Variants in GNA14 observed in about 807,000 individuals in gnomAD.
The protein encoded by GNA14 is G protein subunit alpha 14.
GNA14 carries 50 observed loss-of-function variants against 42.0 expected under a neutral mutation model. That is an observed-to-expected ratio of 1.19 (90% CI 0.95 to 1.51). GNA14 has a LOEUF of 1.51. Among genes scored for constraint, GNA14 ranks in the 40% most tolerant of loss-of-function variants. The pLI is 0.00. For synonymous variants in GNA14, 173 were observed against 163.1 expected (o/e 1.06, Z -0.46); for missense variants, 473 against 446.2 (o/e 1.06, Z -0.54).
rs760771316 is a variant in GNA14, at chr9:77,434,385, C to T, written c.447G>A (p.Leu149=). The change falls in exon 3 of 7, where the codon CTG becomes CTA. Residue 149 remains leucine, a synonymous_variant. Transcript: ENST00000341700. ...ECYDRRREYQ[L]SDSAKYYLTD... ...GTACTCACTATTTGGCAGAGTCCGACAGCTGGTACTCCCTCCTCCTGTCGT... is the reference window on the plus strand; with the variant it reads ...GTACTCACTATTTGGCAGAGTCCGATAGCTGGTACTCCCTCCTCCTGTCGT... 5 of 1,613,938 alleles carry T rather than the reference C, an allele frequency of 3.1e-6. No homozygotes were observed. Among genetic ancestry groups the T allele is most frequent in the Non-Finnish European group, 4.2e-6 (5 of 1,179,938 alleles).
At chr9:77,520,661 G>T (rs964538132) in intron 2 of GNA14, among the ~76,000 whole-genome samples, 5 of 152,146 alleles carry the variant, frequency 3.3e-5, no homozygotes, top group Non-Finnish European at 7.3e-5. Context: ...CGCCTCCGGG[G>T]TTCAAGAGAT....
chr9:77,519,122 A>T (rs992613438), intron 2 of GNA14, among the ~76,000 whole-genome samples: 2 of 152,204 alleles, frequency 1.3e-5, no homozygotes, highest in African/African-American at 4.8e-5. Flanking sequence ...GATAAAACAA[A>T]AACAGAGGCC....
chr9:77,582,688 G>A (rs924577934), intron 1 of GNA14, among the ~76,000 whole-genome samples: 3 of 152,186 alleles, frequency 2.0e-5, no homozygotes, highest in African/African-American at 7.2e-5. Context: ...CCAGTCATAT[G>A]ACTTGACACC....
chr9:77,434,576 T>A lies in GNA14; in HGVS notation c.310-54A>T, dbSNP rs528857965. 1,992 of 1,498,186 alleles carry A rather than the reference T, an allele frequency of 1.3e-3. 2 individuals are homozygous for A. Among genetic ancestry groups the A allele is most frequent in the Non-Finnish European group, 1.7e-3 (1,864 of 1,085,974 alleles). 92.8% of individuals were successfully genotyped at this position (1,498,186 alleles called of 1,614,324 possible). On this transcript the variant is annotated intron_variant, in intron 2 of 6. Transcript: ENST00000341700. ...AGGCAAAGGAAAGGAAGCCAACCCA[T>A]TGGCAATGTCGGTACAAGTCTTGCC...
chr9:77,535,095 A>G (rs1238649712), intron 1 of GNA14, among the ~76,000 whole-genome samples: 1 of 152,242 alleles, frequency 6.6e-6, no homozygotes, highest in Non-Finnish European at 1.5e-5. Flanking sequence ...GTTTCTCAGC[A>G]GCAAAGAGGC....
intron 1 of GNA14, among the ~76,000 whole-genome samples, chr9:77,594,234 G>A (rs1823431277): frequency 6.6e-6 from 1 of 152,094 alleles, no homozygotes; most frequent in African/African-American, 2.4e-5. Context: ...CAGAGGCTGG[G>A]GCAGGCCCAT....
chr9:77,615,988 C>T (rs937542107), intron 1 of GNA14, among the ~76,000 whole-genome samples: 2 of 151,966 alleles, frequency 1.3e-5, no homozygotes, highest in East Asian at 1.9e-4. Flanking sequence ...TTGGTCTTCA[C>T]CCACAGTTCA....
intron 2 of GNA14, among the ~76,000 whole-genome samples, chr9:77,497,865 G>A (rs1009297544): frequency 2.6e-5 from 4 of 151,454 alleles, no homozygotes; most frequent in Non-Finnish European, 4.4e-5. Flanking sequence ...TTGGCAACAC[G>A]AATTAGCATA....
chr9:77,613,086 C>T (rs550628217), intron 1 of GNA14, among the ~76,000 whole-genome samples: 4 of 152,256 alleles, frequency 2.6e-5, no homozygotes, highest in East Asian at 1.9e-4. Flanking sequence ...ACTTGGAGAA[C>T]GTTATGCTAA....
intron 2 of GNA14, among the ~76,000 whole-genome samples, chr9:77,452,572 A>AGTATC (rs1564018275): frequency 3.5e-3 from 20 of 5,682 alleles, no homozygotes; most frequent in African/African-American, 4.7e-3. Flanking sequence ...GTGTGTGTGT[A>AGTATC]TGTGCATGTG....
intron 2 of GNA14, among the ~76,000 whole-genome samples, chr9:77,522,451 C>A (rs1453448042): frequency 6.6e-6 from 1 of 152,176 alleles, no homozygotes; most frequent in East Asian, 1.9e-4. Context: ...CCCAGTTCGG[C>A]TGAACACAAC....
rs369071596 is a variant in GNA14, at chr9:77,623,639, G to A, written c.124+24031C>T. Reference sequence around the variant, plus strand: ...GGAGAGTGAGCCAAAGCAGGGTGGGGCGTTGCCTCACCTGGGAAGCAAGGA... The same window carrying A: ...GGAGAGTGAGCCAAAGCAGGGTGGGACGTTGCCTCACCTGGGAAGCAAGGA... On this transcript the variant is annotated intron_variant, in intron 1 of 6. Transcript: ENST00000341700. Among the ~76,000 whole-genome samples, 16 of 152,314 alleles carry A rather than the reference G, an allele frequency of 1.1e-4. No homozygotes were observed. In the East Asian group the frequency reaches 2.3e-3, roughly 22 times the overall value.
chr9:77,525,461 G>C (rs531872349), intron 2 of GNA14, among the ~76,000 whole-genome samples: 1 of 152,268 alleles, frequency 6.6e-6, no homozygotes, highest in East Asian at 1.9e-4. Context: ...AAGAGAGGAG[G>C]AGACGGGAGG....
chr9:77,519,842 T>A (rs1782748767), intron 2 of GNA14, among the ~76,000 whole-genome samples: 1 of 151,984 alleles, frequency 6.6e-6, no homozygotes, highest in African/African-American at 2.4e-5. Context: ...AAACCGTATC[T>A]CTACTAAAAA....
At chr9:77,498,736 C>A (rs945473537) in intron 2 of GNA14, among the ~76,000 whole-genome samples, 13 of 152,186 alleles carry the variant, frequency 8.5e-5, no homozygotes, top group African/African-American at 2.9e-4. Flanking sequence ...GCTGAGGATG[C>A]CATGAGTTTG....
intron 4 of GNA14, 34 bp downstream of exon 4, chr9:77,431,287 G>C: frequency 6.2e-7 from 1 of 1,601,628 alleles, no homozygotes; most frequent in Non-Finnish European, 8.5e-7. Flanking sequence ...AGCCTGGGCA[G>C]ATTCTTCATG....
At chr9:77,465,713 C>T (rs1471003655) in intron 2 of GNA14, among the ~76,000 whole-genome samples, 1 of 151,936 alleles carries the variant, frequency 6.6e-6, no homozygotes, top group Non-Finnish European at 1.5e-5. Context: ...TCAAGCAATC[C>T]TCCCACCTCA....
intron 2 of GNA14, among the ~76,000 whole-genome samples, chr9:77,443,366 T>C (rs1191754234): frequency 6.6e-6 from 1 of 152,328 alleles, no homozygotes; most frequent in East Asian, 1.9e-4. Context: ...TTTCATCTTC[T>C]CTAGAAACTC....
intron 1 of GNA14, among the ~76,000 whole-genome samples, chr9:77,613,897 G>A (rs141528677): frequency 4.9e-4 from 75 of 152,178 alleles, no homozygotes; most frequent in African/African-American, 1.7e-3. Flanking sequence ...TGTTCATTAA[G>A]GATTAGCAGC....
Sources: gnomAD v4.1 joint callset for allele counts (sites outside exome capture counted in the v4.1 genomes callset) on GRCh38, gnomAD v4.1.1 for gene constraint, MANE v1.5 for transcripts, NCBI Gene and HGNC (gene_info 2026-07-23, HGNC 2026-07-21) for gene names.